The following TBPL1 variants were observed in gnomAD, a reference collection of about 807,000 sequenced individuals.
TBPL1 encodes the protein TATA box-binding protein-like 1.
In TBPL1, 4 loss-of-function variants were observed where a neutral mutation model predicts 22.1. The observed-to-expected ratio is 0.18, with a 90% confidence interval of 0.09 to 0.41. The LOEUF is 0.41. Among genes scored for constraint, TBPL1 ranks in the 10% least tolerant of loss-of-function variants. TBPL1 has a pLI of 1.00. For missense variants in TBPL1, 115 were observed against 222.3 expected (o/e 0.52, Z 3.07); for synonymous variants, 64 against 71.0 (o/e 0.90, Z 0.50).
chr6:133,982,232 T>G (rs1042767396), intron 2 of TBPL1, among the ~76,000 whole-genome samples: 1 of 152,192 alleles, frequency 6.6e-6, no homozygotes, highest in Non-Finnish European at 1.5e-5. Flanking sequence ...CATGAACAGA[T>G]TTGGTGTGTG....
chr6:133,970,612 T>C (rs566042906), intron 1 of TBPL1, among the ~76,000 whole-genome samples: 1 of 151,322 alleles, frequency 6.6e-6, no homozygotes, highest in Admixed American at 6.6e-5. Context: ...GTTTTGTTTT[T>C]GCTTTTTTTT....
intron 2 of TBPL1, among the ~76,000 whole-genome samples, chr6:133,982,142 G>T (rs1776426537): frequency 6.6e-6 from 1 of 152,188 alleles, no homozygotes; most frequent in Admixed American, 6.5e-5. Context: ...GTGACATCTG[G>T]TAAGAGACCT....
chr6:133,975,408 A>G (rs1011511212), intron 1 of TBPL1, among the ~76,000 whole-genome samples: 5 of 152,208 alleles, frequency 3.3e-5, no homozygotes, highest in East Asian at 3.8e-4. Context: ...AAAAGTTTAA[A>G]TTCAATCTAA....
intron 1 of TBPL1, among the ~76,000 whole-genome samples, chr6:133,972,197 A>C (rs963032344): frequency 6.6e-6 from 1 of 152,218 alleles, no homozygotes; most frequent in South Asian, 2.1e-4. Flanking sequence ...ATTTGAGTCT[A>C]CATCTCTAAA....
At chr6:133,954,827 A>C (rs1490305708) in intron 1 of TBPL1, among the ~76,000 whole-genome samples, 1 of 152,170 alleles carries the variant, frequency 6.6e-6, no homozygotes, top group Admixed American at 6.5e-5. Flanking sequence ...CAGTATCAGA[A>C]ACTCTAGTGA....
At chr6:133,958,438 C>G (rs1775963628) in intron 1 of TBPL1, among the ~76,000 whole-genome samples, 1 of 151,932 alleles carries the variant, frequency 6.6e-6, no homozygotes, top group African/African-American at 2.4e-5. Flanking sequence ...CTGCTCTGCC[C>G]CAGTAATTCA....
At chr6:133,957,614 C>A (rs1216871801) in intron 1 of TBPL1, among the ~76,000 whole-genome samples, 1 of 152,168 alleles carries the variant, frequency 6.6e-6, no homozygotes, top group East Asian at 1.9e-4. Context: ...GTTACGTTTT[C>A]TTGAGATTGG....
Position 133,980,174 on chromosome 6 carries a change from G to C in TBPL1, c.49G>C (p.Val17Leu). ...VALDILITNVVCVFRTRCHLN... is the reference protein window; with the variant it reads ...VALDILITNVLCVFRTRCHLN... ...ATTGGACATTCTAATTACAAATGTA[G>C]TCTGTGTTTTTAGAACAAGATGTCA... The change falls in exon 2 of 7, where the codon GTC becomes CTC. Residue 17 changes from valine (V) to leucine (L), a missense_variant. Physicochemically the swap from Val to Leu is conservative, Grantham distance 32 (BLOSUM62 1). Transcript: ENST00000237264. 6.2e-7 allele frequency: 1 copy of C among 1,609,088 alleles called. No homozygotes were observed. Among genetic ancestry groups the C allele is most frequent in the Non-Finnish European group, 8.5e-7 (1 of 1,177,938 alleles).
chr6:133,977,001 A>T (rs939128989), intron 1 of TBPL1, among the ~76,000 whole-genome samples: 20 of 151,572 alleles, frequency 1.3e-4, no homozygotes, highest in African/African-American at 4.6e-4. Flanking sequence ...AGAAATTGAG[A>T]TTTGTCTGTT....
In TBPL1 at chr6:133,953,255, G is replaced by A. The variant is rs953135151; in HGVS notation, c.-215G>A. ...CCCGGAACAACAAAGCAAGGAAGACGGAGTCCGAGCCTCGGGGGCTCCTAG... is the reference window on the plus strand; with the variant it reads ...CCCGGAACAACAAAGCAAGGAAGACAGAGTCCGAGCCTCGGGGGCTCCTAG... On this transcript the variant is annotated 5_prime_UTR_variant, in exon 1 of 7. Coordinates refer to ENST00000237264, the MANE Select transcript of TBPL1 (RefSeq NM_004865.4). 3.9e-5 allele frequency: 6 copies of A among 152,980 alleles called. No individual in the cohort carries two copies. Among genetic ancestry groups the A allele is most frequent in the East Asian group, 1.9e-4 (1 of 5,202 alleles). 9.5% of individuals were successfully genotyped at this position (152,980 alleles called of 1,614,324 possible).
intron 1 of TBPL1, among the ~76,000 whole-genome samples, chr6:133,975,112 T>C (rs150203818): frequency 0.014 from 2,145 of 152,046 alleles, 36 homozygotes; most frequent in Non-Finnish European, 0.015. Flanking sequence ...GGGCAAAAAA[T>C]TCACTAGAGA....
rs1554305066 is a variant in TBPL1 at position 133,987,660 on chromosome 6, A to ATATATG, written c.*625_*626insGTATAT. ...TGTGTGTGTGTGTGTATATATATAT[A>ATATATG]TATATATGCACCACATGTGTATAGT... On this transcript the variant is annotated 3_prime_UTR_variant, in exon 7 of 7. Coordinates refer to ENST00000237264, the MANE Select transcript of TBPL1 (RefSeq NM_004865.4). 2.1e-5 allele frequency: 3 copies of ATATATG among 145,018 alleles called. No homozygotes were observed. Among genetic ancestry groups the ATATATG allele is most frequent in the Admixed American group, 7.1e-5 (1 of 14,034 alleles). 9.0% of individuals were successfully genotyped at this position (145,018 alleles called of 1,614,324 possible).
chr6:133,989,422 C>CA lies in TBPL1; in HGVS notation c.*2384dup, dbSNP rs1008516345. On this transcript the variant is annotated 3_prime_UTR_variant, in exon 7 of 7. Coordinates refer to ENST00000237264, the MANE Select transcript of TBPL1 (RefSeq NM_004865.4). ...GTAATAAACTGGCTAGGTTGATAAACAATTTCCTGCCCATTTATAATGAAG... is the reference window on the plus strand; with the variant it reads ...GTAATAAACTGGCTAGGTTGATAAACAAATTTCCTGCCCATTTATAATGAAG... The CA allele has an allele frequency of 1.2e-4, 18 of 152,198 alleles. No individual in the cohort carries two copies. The highest frequency in any genetic ancestry group is 3.4e-3 in the Middle Eastern group (1 of 292). 9.4% of individuals were successfully genotyped at this position (152,198 alleles called of 1,614,324 possible).
intron 1 of TBPL1, among the ~76,000 whole-genome samples, chr6:133,967,621 C>G (rs1776141976): frequency 6.6e-6 from 1 of 152,134 alleles, no homozygotes; most frequent in South Asian, 2.1e-4. Context: ...ACCTATACAG[C>G]ATGTTTCTTT....
At chr6:133,967,087 C>T (rs1263665028) in intron 1 of TBPL1, among the ~76,000 whole-genome samples, 2 of 152,212 alleles carry the variant, frequency 1.3e-5, no homozygotes, top group Admixed American at 1.3e-4. Flanking sequence ...ACTTTTCTCA[C>T]CGTAGCCATG....
At chr6:133,958,041 T>C (rs74802181) in intron 1 of TBPL1, among the ~76,000 whole-genome samples, 2,533 of 152,340 alleles carry the variant, frequency 0.017, 24 homozygotes, top group Non-Finnish European at 0.026. Flanking sequence ...AAGTACTTTT[T>C]TTAAGTTTTG....
At chr6:133,958,272 G>A (rs151025784) in intron 1 of TBPL1, among the ~76,000 whole-genome samples, 2 of 152,326 alleles carry the variant, frequency 1.3e-5, no homozygotes, top group East Asian at 1.9e-4. Flanking sequence ...TTAGGCTTTC[G>A]TTAGAAGGCA....
chr6:133,977,740 TAAG>T, intron 1 of TBPL1, among the ~76,000 whole-genome samples: 1 of 152,106 alleles, frequency 6.6e-6, no homozygotes, highest in East Asian at 1.9e-4. Flanking sequence ...GGTCTAGAAT[TAAG>T]AAGAACAGGG....
At chr6:133,964,594 T>C (rs893814550) in intron 1 of TBPL1, among the ~76,000 whole-genome samples, 1 of 151,182 alleles carries the variant, frequency 6.6e-6, no homozygotes, top group Non-Finnish European at 1.5e-5. Flanking sequence ...GGACTACAGG[T>C]GCCTGCCACC....
Sources: gnomAD v4.1 joint callset for allele counts (sites outside exome capture counted in the v4.1 genomes callset) on GRCh38, gnomAD v4.1.1 for gene constraint, MANE v1.5 for transcripts, NCBI Gene and HGNC (gene_info 2026-07-23, HGNC 2026-07-21) for gene names.